MAP3K15: variants seen among roughly 807,000 people sequenced by gnomAD.
MAP3K15 encodes MAPK/ERK kinase kinase 15.
Under a neutral mutation model 99.5 loss-of-function variants are expected in MAP3K15, and 124 were observed. The ratio of observed to expected loss-of-function variants is 1.25; its 90% CI spans 1.08 to 1.45. The LOEUF (loss-of-function observed/expected upper bound fraction) is 1.45. Among genes scored for constraint, MAP3K15 ranks in the 40% most tolerant of loss-of-function variants. The pLI, the probability that MAP3K15 is intolerant of heterozygous loss-of-function variation, is 0.00. For synonymous variants in MAP3K15, 494 were observed against 439.6 expected, an observed-to-expected ratio of 1.12 and a Z score of -1.55; for missense variants, 1,242 against 1,079.7, an observed-to-expected ratio of 1.15 and a Z score of -2.11.
chrX:19,373,811 G>A (rs2063398552), intron 20 of MAP3K15, 116 bp from the exon 21 acceptor site: 2 of 821,730 alleles, frequency 2.4e-6, no homozygotes, highest in East Asian at 3.4e-5. Flanking sequence ...GGATCCTGTA[G>A]AAATGTGGGT....
At chrX:19,386,785 G>A in intron 18 of MAP3K15, among the ~76,000 whole-genome samples, 1 of 111,445 alleles carries the variant, frequency 9.0e-6, no homozygotes, top group Non-Finnish European at 1.9e-5. Context: ...ATCTGATCAA[G>A]GGGCTGAGAG....
intron 7 of MAP3K15, among the ~76,000 whole-genome samples, chrX:19,430,505 C>A (rs1304202740): frequency 1.8e-5 from 2 of 111,925 alleles, no homozygotes; most frequent in Admixed American, 1.9e-4. Flanking sequence ...CATTGCTGTT[C>A]GAAGCTGCTA....
intron 9 of MAP3K15, among the ~76,000 whole-genome samples, chrX:19,415,635 T>C (rs1032516568): frequency 9.0e-6 from 1 of 111,373 alleles, no homozygotes; most frequent in Middle Eastern, 4.7e-3. Context: ...GGATTTTTTT[T>C]CCCAATAGAT....
intron 3 of MAP3K15, among the ~76,000 whole-genome samples, chrX:19,482,732 T>C (rs1266449277): frequency 8.9e-6 from 1 of 111,930 alleles, no homozygotes; most frequent in Non-Finnish European, 1.9e-5. Flanking sequence ...GTGCTTAAAC[T>C]AGGTACATTT....
chrX:19,500,386 GATAAA>G (rs1328623514), intron 1 of MAP3K15, among the ~76,000 whole-genome samples: 1 of 111,811 alleles, frequency 8.9e-6, no homozygotes, highest in Non-Finnish European at 1.9e-5. Flanking sequence ...AATTTTCCAT[GATAAA>G]ATAATTTAAG....
intron 18 of MAP3K15, among the ~76,000 whole-genome samples, chrX:19,386,697 A>G (rs16981152): frequency 0.011 from 1,169 of 111,302 alleles, 17 homozygotes; most frequent in African/African-American, 0.037. Flanking sequence ...GAATTGTCCA[A>G]TAGGATTTTC....
At chrX:19,446,318 T>C (rs868359146) in intron 6 of MAP3K15, among the ~76,000 whole-genome samples, 3 of 112,151 alleles carry the variant, frequency 2.7e-5, no homozygotes, top group African/African-American at 9.7e-5. Flanking sequence ...AAAGGATCTG[T>C]CTCTAATCAT....
Position 19,456,904 on chromosome X carries a change from C to A in MAP3K15, c.995+9G>T. On this transcript the variant is annotated intron_variant, in intron 6 of 28. Transcript: ENST00000338883. ...GTTTCAAAACCTGTACGTACATTAT[C>A]GTTCTTACCTATTCAGTGCAAACGC... The A allele has an allele frequency of 8.7e-7, 1 of 1,152,977 alleles. No homozygotes were observed. The highest frequency in any genetic ancestry group is 1.2e-6 in the Non-Finnish European group (1 of 854,829).
chrX:19,414,949 TG>T (rs777564317), intron 10 of MAP3K15, among the ~76,000 whole-genome samples, 157 bp downstream of exon 10: 1 of 112,414 alleles, frequency 8.9e-6, no homozygotes, highest in Admixed American at 9.4e-5. Flanking sequence ...ATGAGTGAGC[TG>T]ATCTATCACT....
rs371808642 is a variant in MAP3K15, at chrX:19,439,838, T to C, written c.996-8230A>G. 2.7e-5 allele frequency among the ~76,000 whole-genome samples: 3 copies of C among 111,915 alleles called. No homozygotes were observed. The Admixed American group carries it at 2.9e-4, about 11-fold the overall frequency. ...CTAGAAACTGAGCAGTAATTCTGAATAGTGTCCTACTGGGGCAATCACTGG... is the reference window on the plus strand; with the variant it reads ...CTAGAAACTGAGCAGTAATTCTGAACAGTGTCCTACTGGGGCAATCACTGG... On this transcript the variant is annotated intron_variant, in intron 6 of 28. Transcript: ENST00000338883.
At chrX:19,443,328 CA>C (rs1210830639) in intron 6 of MAP3K15, among the ~76,000 whole-genome samples, 2 of 111,382 alleles carry the variant, frequency 1.8e-5, no homozygotes, top group African/African-American at 6.5e-5. Flanking sequence ...CCACTGCGCC[CA>C]ACCCCATTCA....
At chrX:19,421,366 G>A (rs1259701046) in intron 9 of MAP3K15, among the ~76,000 whole-genome samples, 2 of 111,097 alleles carry the variant, frequency 1.8e-5, no homozygotes, top group African/African-American at 6.6e-5. Context: ...AAAATCACAA[G>A]CATTCTTATA....
intron 21 of MAP3K15, 120 bp from the exon 22 acceptor site, chrX:19,372,947 A>G (rs2063387160): frequency 1.5e-6 from 1 of 675,107 alleles, no homozygotes; most frequent in Non-Finnish European, 2.2e-6. Flanking sequence ...CCCTGTGCTC[A>G]AGAAGATGAA....
At chrX:19,442,472 C>T (rs10126294) in intron 6 of MAP3K15, among the ~76,000 whole-genome samples, 4,070 of 109,397 alleles carry the variant, frequency 0.037, 126 homozygotes, top group African/African-American at 0.097. Context: ...TCTTCTAATA[C>T]TATACCACAG....
At chrX:19,482,950 T>C (rs774504948) in intron 3 of MAP3K15, among the ~76,000 whole-genome samples, 256 of 110,996 alleles carry the variant, frequency 2.3e-3, no homozygotes, top group Non-Finnish European at 3.4e-3. Flanking sequence ...GCAAAGCAAC[T>C]GCTCCTAGAA....
intron 6 of MAP3K15, among the ~76,000 whole-genome samples, chrX:19,434,533 C>T (rs181772673): frequency 2.0e-3 from 223 of 111,085 alleles, no homozygotes; most frequent in African/African-American, 5.9e-3. Context: ...CCACTGCGCC[C>T]GGCCACAATA....
chrX:19,375,062 C>T (rs2063407749), intron 19 of MAP3K15, among the ~76,000 whole-genome samples: 1 of 112,267 alleles, frequency 8.9e-6, no homozygotes, highest in Admixed American at 9.4e-5. Flanking sequence ...GGCCACCCTG[C>T]TCCCCCAAAC....
At chrX:19,482,256 A>T (rs1194066643) in intron 3 of MAP3K15, 10 of 110,291 alleles carry the variant, frequency 9.1e-5, no homozygotes, top group African/African-American at 3.0e-4. Flanking sequence ...AAGAGGAAAA[A>T]AAAAATGTGC....
chrX:19,510,752 T>C (rs1297421341), intron 1 of MAP3K15, among the ~76,000 whole-genome samples: 1 of 111,789 alleles, frequency 8.9e-6, no homozygotes, highest in Non-Finnish European at 1.9e-5. Context: ...GGAAGTCAAA[T>C]CGTCTGTTTG....
Sources: gnomAD v4.1 joint callset for allele counts (sites outside exome capture counted in the v4.1 genomes callset) on GRCh38, gnomAD v4.1.1 for gene constraint, MANE v1.5 for transcripts, NCBI Gene and HGNC (gene_info 2026-07-23, HGNC 2026-07-21) for gene names.